METTL15: variants seen among roughly 807,000 people sequenced by gnomAD.
METTL15 encodes 12S rRNA N(4)-cytidine methyltransferase METTL15.
Under a neutral mutation model 38.3 loss-of-function variants are expected in METTL15, and 34 were observed. The observed-to-expected ratio is 0.89, with a 90% CI of 0.68 to 1.18. The LOEUF is 1.18. Ranked by LOEUF, METTL15 falls within the 50% of genes most tolerant of loss-of-function variation. The pLI is 0.00. For synonymous variants in METTL15, 162 were observed against 170.9 expected (o/e 0.95, Z 0.41); for missense variants, 438 against 498.4 (o/e 0.88, Z 1.15).
intron 3 of METTL15, among the ~76,000 whole-genome samples, chr11:28,339,648 A>C (rs1217656889): frequency 6.6e-6 from 1 of 152,114 alleles, no homozygotes; most frequent in African/African-American, 2.4e-5. Flanking sequence ...ATGTAGCAGA[A>C]GCCATATTTG....
At chr11:28,117,336 A>C (rs1490552913) in intron 3 of METTL15, among the ~76,000 whole-genome samples, 2 of 148,832 alleles carry the variant, frequency 1.3e-5, no homozygotes, top group African/African-American at 5.0e-5. Flanking sequence ...ATTGGAACCA[A>C]ATTCAGTGGC....
intron 6 of METTL15, among the ~76,000 whole-genome samples, chr11:28,478,051 A>G (rs1851361833): frequency 6.6e-6 from 1 of 152,158 alleles, no homozygotes; most frequent in African/African-American, 2.4e-5. Flanking sequence ...ATCTATTAGC[A>G]TGGCCAAACT....
intron 3 of METTL15, among the ~76,000 whole-genome samples, chr11:28,160,694 C>T (rs1023095421): frequency 1.3e-5 from 2 of 151,882 alleles, no homozygotes; most frequent in Non-Finnish European, 2.9e-5. Context: ...TGAGATTTTG[C>T]AATAATAACA....
intron 4 of METTL15, among the ~76,000 whole-genome samples, chr11:28,360,233 A>G (rs973907970): frequency 1.3e-5 from 2 of 152,182 alleles, no homozygotes; most frequent in African/African-American, 4.8e-5. Flanking sequence ...TGCTTTCCCA[A>G]TAGACAAGTG....
chr11:28,256,583 ATCT>A (rs1388421058), intron 4 of METTL15, among the ~76,000 whole-genome samples: 2 of 151,914 alleles, frequency 1.3e-5, no homozygotes, highest in African/African-American at 2.4e-5. Context: ...ATTTACTTGA[ATCT>A]TCTCTCTTTT....
intron 6 of METTL15, among the ~76,000 whole-genome samples, chr11:28,462,692 G>A (rs578085368): frequency 1.3e-5 from 2 of 152,124 alleles, no homozygotes; most frequent in African/African-American, 2.4e-5. Context: ...CAGTGGGATA[G>A]CATCTGAATG....
At chr11:28,160,389 G>A (rs1023064346) in intron 3 of METTL15, among the ~76,000 whole-genome samples, 1 of 151,846 alleles carries the variant, frequency 6.6e-6, no homozygotes, top group Non-Finnish European at 1.5e-5. Flanking sequence ...TCTCTTAAGG[G>A]TATTATACTA....
intron 5 of METTL15, among the ~76,000 whole-genome samples, chr11:28,382,115 A>T (rs555990001): frequency 6.6e-6 from 1 of 152,220 alleles, no homozygotes; most frequent in East Asian, 1.9e-4. Flanking sequence ...GCCCAGGTTT[A>T]CTTCAGTTCT....
intron 3 of METTL15, among the ~76,000 whole-genome samples, chr11:28,192,030 G>C (rs533065603): frequency 4.6e-5 from 7 of 151,560 alleles, no homozygotes; most frequent in Non-Finnish European, 7.4e-5. Flanking sequence ...CAAGTTATTT[G>C]AGTTACTATG....
At chr11:28,188,557 A>G (rs190752071) in intron 3 of METTL15, among the ~76,000 whole-genome samples, 5 of 151,362 alleles carry the variant, frequency 3.3e-5, no homozygotes, top group Admixed American at 3.3e-4. Context: ...ACAGTAAGTA[A>G]TTGTTGAATC....
At chr11:28,474,697 CATCACATTTTTGTGA>C (rs2133467186) in intron 6 of METTL15, among the ~76,000 whole-genome samples, 1 of 152,322 alleles carries the variant, frequency 6.6e-6, no homozygotes, top group Admixed American at 6.5e-5. Flanking sequence ...TTTAGACAAA[CATCACATTTTTGTGA>C]CAAATGTCCA....
At chr11:28,500,047 G>A (rs957602756) in intron 6 of METTL15, among the ~76,000 whole-genome samples, 4 of 150,904 alleles carry the variant, frequency 2.7e-5, no homozygotes, top group Non-Finnish European at 5.9e-5. Flanking sequence ...CATAATATGT[G>A]GGTCTGGATG....
chr11:28,498,177 T>G (rs886487040), intron 6 of METTL15, among the ~76,000 whole-genome samples: 3 of 152,044 alleles, frequency 2.0e-5, no homozygotes, highest in Non-Finnish European at 4.4e-5. Flanking sequence ...TTTCAACACA[T>G]GAATTCCGGG....
chr11:28,263,977 C>G (rs1360054545), intron 4 of METTL15, among the ~76,000 whole-genome samples: 1 of 152,050 alleles, frequency 6.6e-6, no homozygotes, highest in East Asian at 1.9e-4. Flanking sequence ...TAGGGCTCAG[C>G]CCAATGCTAC....
chr11:28,316,913 C>G (rs1403552865), intron 6 of METTL15, among the ~76,000 whole-genome samples: 1 of 152,104 alleles, frequency 6.6e-6, no homozygotes, highest in Non-Finnish European at 1.5e-5. Flanking sequence ...ACTGTAAGTC[C>G]AATTAAACCT....
chr11:28,110,499 G>T (rs1851674816), intron 2 of METTL15, 98 bp downstream of exon 2: 1 of 152,202 alleles, frequency 6.6e-6, no homozygotes, highest in South Asian at 2.1e-4. Flanking sequence ...CGGAGCAAAA[G>T]AAAAATACGC....
intron 5 of METTL15, among the ~76,000 whole-genome samples, chr11:28,378,476 C>T (rs908697994): frequency 1.5e-4 from 23 of 152,206 alleles, no homozygotes; most frequent in Non-Finnish European, 2.2e-4. Context: ...TGACCCCTTG[C>T]GCTTCCCAAG....
chr11:28,371,811 A>G (rs943231467), intron 5 of METTL15, among the ~76,000 whole-genome samples: 4 of 152,100 alleles, frequency 2.6e-5, no homozygotes, highest in African/African-American at 4.8e-5. Context: ...GTTGGTATAT[A>G]CAAATGCTAC....
chr11:28,381,396 C>G (rs775932930), intron 5 of METTL15, among the ~76,000 whole-genome samples: 1 of 152,082 alleles, frequency 6.6e-6, no homozygotes, highest in Non-Finnish European at 1.5e-5. Flanking sequence ...GGATATTTAT[C>G]TCTTTTGCAA....
Sources: gnomAD v4.1 joint callset for allele counts (sites outside exome capture counted in the v4.1 genomes callset) on GRCh38, gnomAD v4.1.1 for gene constraint, MANE v1.5 for transcripts, NCBI Gene and HGNC (gene_info 2026-07-23, HGNC 2026-07-21) for gene names.